PRKAG2: variants seen among roughly 807,000 people sequenced by gnomAD.
The protein encoded by PRKAG2 is 5'-AMP-activated protein kinase subunit gamma-2.
Under a neutral mutation model 69.6 loss-of-function variants are expected in PRKAG2, and 26 were observed. That is an observed-to-expected ratio of 0.37 (90% confidence interval 0.27 to 0.52). The LOEUF is 0.52. Among genes scored for constraint, PRKAG2 ranks in the 20% least tolerant of loss-of-function variants. The pLI, the probability that PRKAG2 is intolerant of heterozygous loss-of-function variation, is 0.90. For synonymous variants in PRKAG2, 293 were observed against 285.0 expected, an observed-to-expected ratio of 1.03 and a Z score of -0.28; for missense variants, 557 against 740.0, an observed-to-expected ratio of 0.75 and a Z score of 2.87.
chr7:151,777,524 C>A lies in PRKAG2; in HGVS notation c.466+3628G>T, dbSNP rs551702294. ...GCTTTAAAGACTCCAGTACCTCCCC[C>A]CTCTCTCTTGCTCCCTTGCGTGTGA... On this transcript the variant is annotated intron_variant, in intron 3 of 15. Transcript: ENST00000287878. The surrounding 1 kb of genome is among the most constrained non-coding windows in gnomAD (Gnocchi z 4.3). 3.9e-5 allele frequency among the ~76,000 whole-genome samples: 6 copies of A among 152,278 alleles called. No homozygotes were observed. Among genetic ancestry groups the A allele is most frequent in the Non-Finnish European group, 5.9e-5 (4 of 68,028 alleles).
chr7:151,824,380 T>C (rs1173442782), intron 1 of PRKAG2, among the ~76,000 whole-genome samples: 2 of 152,192 alleles, frequency 1.3e-5, no homozygotes, highest in African/African-American at 4.8e-5. Flanking sequence ...TTATGCTGCT[T>C]GTGTTAACAT....
intron 1 of PRKAG2, among the ~76,000 whole-genome samples, chr7:151,873,930 T>C (rs771334729): frequency 2.6e-5 from 4 of 152,016 alleles, no homozygotes; most frequent in Non-Finnish European, 4.4e-5. Context: ...TCTCTCTATA[T>C]ATTTTTTTAA....
At chr7:151,875,491 G>C (rs746721523) in intron 1 of PRKAG2, among the ~76,000 whole-genome samples, 2 of 151,974 alleles carry the variant, frequency 1.3e-5, no homozygotes, top group Non-Finnish European at 2.9e-5. Flanking sequence ...TGAGGGGTCC[G>C]GACAGCCCAT....
chr7:151,793,673 C>G (rs767019299), intron 1 of PRKAG2, among the ~76,000 whole-genome samples: 4 of 152,198 alleles, frequency 2.6e-5, no homozygotes, highest in Non-Finnish European at 5.9e-5. Context: ...CAAGTGGTGA[C>G]GGCCTTGGCA....
intron 3 of PRKAG2, among the ~76,000 whole-genome samples, chr7:151,774,372 G>A (rs2076232286): frequency 6.6e-6 from 1 of 152,130 alleles, no homozygotes. Flanking sequence ...CCAGAACCAT[G>A]GTCCCCATCT....
intron 3 of PRKAG2, among the ~76,000 whole-genome samples, chr7:151,706,655 T>C (rs578157733): frequency 6.6e-6 from 1 of 152,386 alleles, no homozygotes; most frequent in East Asian, 1.9e-4. Context: ...TGAAATCTTC[T>C]GACTTTCTTC....
chr7:151,567,663 G>GT lies in PRKAG2; in HGVS notation c.1233+1052dup, dbSNP rs923227700. 3.3e-5 allele frequency among the ~76,000 whole-genome samples: 5 copies of GT among 152,204 alleles called. No individual in the cohort carries two copies. Among genetic ancestry groups the GT allele is most frequent in the East Asian group, 1.9e-4 (1 of 5,186 alleles). On this transcript the variant is annotated intron_variant, in intron 11 of 15. Transcript: ENST00000287878. This position sits in a 1 kb window ranked among gnomAD's most constrained non-coding sequence, Gnocchi z 4.2. ...CGCCTTTATTAAACTTCAGACTTGA[G>GT]TTTTTTTGTAAATTACTCTTCCCTA...
chr7:151,675,854 C>A (rs1452707732), intron 3 of PRKAG2, among the ~76,000 whole-genome samples: 2 of 150,392 alleles, frequency 1.3e-5, no homozygotes, highest in Non-Finnish European at 2.9e-5. Context: ...CTCACCATTC[C>A]TGGTGCCCAA....
At chr7:151,810,928 T>C (rs1257644618) in intron 1 of PRKAG2, 3 of 153,232 alleles carry the variant, frequency 2.0e-5, no homozygotes, top group African/African-American at 4.9e-5. Flanking sequence ...AGGAAGACCA[T>C]ACGGACATGC....
intron 3 of PRKAG2, chr7:151,736,130 C>T: frequency 1.4e-6 from 2 of 1,475,434 alleles, no homozygotes; most frequent in East Asian, 5.0e-5. Flanking sequence ...AGAGTGGCAG[C>T]CTGTGCTCAG....
At chr7:151,672,401 C>T (rs1214980603) in intron 4 of PRKAG2, among the ~76,000 whole-genome samples, 8 of 152,238 alleles carry the variant, frequency 5.3e-5, no homozygotes, top group Middle Eastern at 3.4e-3. Flanking sequence ...AGCCACCATT[C>T]GAACGATTTT....
intron 5 of PRKAG2, among the ~76,000 whole-genome samples, chr7:151,622,898 A>G (rs1330946504): frequency 6.6e-6 from 1 of 152,068 alleles, no homozygotes; most frequent in African/African-American, 2.4e-5. Flanking sequence ...ACTACATCCC[A>G]GGCCCTCTAA....
intron 3 of PRKAG2, among the ~76,000 whole-genome samples, chr7:151,694,150 A>G (rs9769358): frequency 0.036 from 5,537 of 152,328 alleles, 362 homozygotes; most frequent in African/African-American, 0.12. Flanking sequence ...TTGGGATTAC[A>G]GGCGTGAGCC....
chr7:151,759,382 T>C (rs1225835999), intron 3 of PRKAG2, among the ~76,000 whole-genome samples: 3 of 152,202 alleles, frequency 2.0e-5, no homozygotes, highest in Non-Finnish European at 4.4e-5. Context: ...TTGGGACACA[T>C]GACACTTTTC....
intron 1 of PRKAG2, among the ~76,000 whole-genome samples, chr7:151,839,639 G>C (rs1008582361): frequency 1.3e-5 from 2 of 152,208 alleles, no homozygotes; most frequent in Middle Eastern, 3.2e-3. Context: ...TCATGGAGAC[G>C]CCGCCTCGGG....
At chr7:151,593,159 G>A (rs1251957497) in intron 6 of PRKAG2, among the ~76,000 whole-genome samples, 1 of 152,208 alleles carries the variant, frequency 6.6e-6, no homozygotes, top group Non-Finnish European at 1.5e-5. Flanking sequence ...CTGGGTAAAA[G>A]TCAAATCAGC....
At chr7:151,670,137 C>T (rs1352196995) in intron 4 of PRKAG2, among the ~76,000 whole-genome samples, 7 of 151,950 alleles carry the variant, frequency 4.6e-5, no homozygotes, top group Admixed American at 3.9e-4. Flanking sequence ...CATGCACACA[C>T]ACCTGTGCAC....
rs1385008220 is a variant in PRKAG2, at chr7:151,777,874, C to T, written c.466+3278G>A. Among the ~76,000 whole-genome samples, 1 of 152,114 alleles carries T rather than the reference C, an allele frequency of 6.6e-6. No homozygotes were observed. The highest frequency in any genetic ancestry group is 2.4e-5 in the African/African-American group (1 of 41,428). On this transcript the variant is annotated intron_variant, in intron 3 of 15. Coordinates refer to ENST00000287878, the MANE Select transcript of PRKAG2 (RefSeq NM_016203.4). This position sits in a 1 kb window ranked among gnomAD's most constrained non-coding sequence, Gnocchi z 4.3. The stretch of plus-strand genomic sequence containing the variant: ...CCACAGATTAGGATTATGGGAGGGG[C>T]CTGAACCGGGCTAACATGCAGGTGT...
chr7:151,822,354 C>T (rs1238355902), intron 1 of PRKAG2, among the ~76,000 whole-genome samples: 1 of 152,018 alleles, frequency 6.6e-6, no homozygotes, highest in Non-Finnish European at 1.5e-5. Flanking sequence ...CGGGGGGTGA[C>T]TTTACTGTCC....
Sources: gnomAD v4.1 joint callset for allele counts (sites outside exome capture counted in the v4.1 genomes callset) on GRCh38, gnomAD v4.1.1 for gene constraint, Gnocchi (gnomAD v3.1) non-coding constraint, MANE v1.5 for transcripts, NCBI Gene and HGNC (gene_info 2026-07-23, HGNC 2026-07-21) for gene names.